The following RAB38 variants were observed in gnomAD, a reference collection of about 807,000 sequenced individuals.
The protein encoded by RAB38 is RAB38, member RAS oncogene family.
RAB38 carries 15 observed loss-of-function variants against 18.4 expected under a neutral mutation model. The observed-to-expected ratio is 0.82, with a 90% CI of 0.55 to 1.26. The LOEUF (loss-of-function observed/expected upper bound fraction) is 1.26, where lower values mean the gene tolerates loss of function less well. Ranked by LOEUF, RAB38 falls within the 50% of genes most tolerant of loss-of-function variation. The pLI is 0.00. For synonymous variants in RAB38, 101 were observed against 104.4 expected, an observed-to-expected ratio of 0.97 and a Z score of 0.20; for missense variants, 294 against 267.4, an observed-to-expected ratio of 1.10 and a Z score of -0.69.
intron 1 of RAB38, chr11:88,165,611 G>T (rs1943236190): frequency 6.6e-6 from 1 of 152,194 alleles, no homozygotes; most frequent in Admixed American, 6.5e-5. Flanking sequence ...AAATAAAAGT[G>T]ATAAGGAACA....
At chr11:87,951,416 G>A in the RAB38 span, among the ~76,000 whole-genome samples, 8 of 152,178 alleles carry the variant, frequency 5.3e-5, no homozygotes, top group Admixed American at 3.3e-4. Flanking sequence ...TCTCCATCCA[G>A]CTTTGTTCTG....
intron 2 of RAB38, among the ~76,000 whole-genome samples, chr11:88,129,711 T>C (rs1384106472): frequency 6.6e-6 from 1 of 152,166 alleles, no homozygotes. Flanking sequence ...AGACTGACAT[T>C]TTAAGGACAA....
downstream of RAB38, among the ~76,000 whole-genome samples, chr11:88,110,311 G>C (rs1402357070): frequency 6.6e-6 from 1 of 152,006 alleles, no homozygotes; most frequent in African/African-American, 2.4e-5. Flanking sequence ...TCATAAGTGG[G>C]AGTTGAACAA....
the RAB38 span, among the ~76,000 whole-genome samples, chr11:87,899,642 T>C: frequency 6.6e-6 from 1 of 151,562 alleles, no homozygotes; most frequent in Non-Finnish European, 1.5e-5. Flanking sequence ...GTCCTAAAGA[T>C]AGAAATATGA....
chr11:87,851,276 G>T, the RAB38 span, among the ~76,000 whole-genome samples: 2 of 152,120 alleles, frequency 1.3e-5, no homozygotes, highest in Admixed American at 6.6e-5. Context: ...AAAAACAGAA[G>T]CTGTGTCTGG....
At chr11:88,066,598 C>T in the RAB38 span, among the ~76,000 whole-genome samples, 1 of 152,002 alleles carries the variant, frequency 6.6e-6, no homozygotes, top group African/African-American at 2.4e-5. Flanking sequence ...GGCAGTGGAG[C>T]CTAGTGGTTA....
At chr11:87,931,935 A>T in the RAB38 span, among the ~76,000 whole-genome samples, 2,421 of 148,864 alleles carry the variant, frequency 0.016, 42 homozygotes, top group South Asian at 0.061. Flanking sequence ...GACAATGCAC[A>T]GGAGGGGTGG....
the RAB38 span, among the ~76,000 whole-genome samples, chr11:88,077,370 G>T: frequency 6.6e-6 from 1 of 151,830 alleles, no homozygotes; most frequent in African/African-American, 2.4e-5. Context: ...AAACAACAAA[G>T]CTGGAGGAAT....
the RAB38 span, among the ~76,000 whole-genome samples, chr11:87,874,000 CTG>C: frequency 2.0e-5 from 3 of 147,260 alleles, no homozygotes; most frequent in African/African-American, 7.5e-5. Flanking sequence ...ATATCTCAAT[CTG>C]TGGTTTCCCT....
At chr11:88,096,856 C>A in the RAB38 span, among the ~76,000 whole-genome samples, 1 of 151,360 alleles carries the variant, frequency 6.6e-6, no homozygotes, top group Admixed American at 6.6e-5. Flanking sequence ...AAACTTATGT[C>A]AAAATGTCAA....
At chr11:87,948,073 A>G in the RAB38 span, among the ~76,000 whole-genome samples, 11 of 152,058 alleles carry the variant, frequency 7.2e-5, no homozygotes, top group Non-Finnish European at 1.3e-4. Flanking sequence ...TATTTCATTG[A>G]GCAGTGGTTT....
the RAB38 span, among the ~76,000 whole-genome samples, chr11:88,085,732 C>T: frequency 6.6e-6 from 1 of 151,886 alleles, no homozygotes; most frequent in Non-Finnish European, 1.5e-5. Flanking sequence ...GATGTGTTGT[C>T]CATGGTTGCC....
chr11:87,878,583 A>G, the RAB38 span, among the ~76,000 whole-genome samples: 20 of 151,660 alleles, frequency 1.3e-4, no homozygotes, highest in Non-Finnish European at 2.1e-4. Flanking sequence ...GGATGTTTTT[A>G]TCAAAGCTAC....
At chr11:88,159,541 A>G (rs902119669) in intron 1 of RAB38, among the ~76,000 whole-genome samples, 1 of 152,110 alleles carries the variant, frequency 6.6e-6, no homozygotes, top group African/African-American at 2.4e-5. Flanking sequence ...TACTAAGCAA[A>G]AAGAACAAAA....
chr11:88,034,258 T>A, the RAB38 span, among the ~76,000 whole-genome samples: 7 of 152,248 alleles, frequency 4.6e-5, no homozygotes. Context: ...CATTTGCCCA[T>A]TGACAATTTG....
chr11:88,108,980 C>T (rs1405802856), downstream of RAB38, among the ~76,000 whole-genome samples: 1 of 152,162 alleles, frequency 6.6e-6, no homozygotes, highest in Admixed American at 6.5e-5. Context: ...TCTCTTCTGG[C>T]TTGTAGGGTT....
chr11:87,812,662 T>A, the RAB38 span, among the ~76,000 whole-genome samples: 1 of 152,128 alleles, frequency 6.6e-6, no homozygotes, highest in African/African-American at 2.4e-5. Context: ...CTTGCAGAGG[T>A]CCCACACTGC....
chr11:88,125,209 C>A (rs945547465), intron 2 of RAB38, among the ~76,000 whole-genome samples: 5 of 152,154 alleles, frequency 3.3e-5, no homozygotes, highest in Non-Finnish European at 5.9e-5. Flanking sequence ...GCTCACATTG[C>A]GTACTCAGAA....
At chr11:87,971,672 C>A in the RAB38 span, among the ~76,000 whole-genome samples, 1 of 152,080 alleles carries the variant, frequency 6.6e-6, no homozygotes, top group South Asian at 2.1e-4. Context: ...GATGCTGATG[C>A]TAGACAGAGG....
Sources: allele counts gnomAD v4.1 joint callset (sites outside exome capture counted in the v4.1 genomes callset), GRCh38; gene constraint gnomAD v4.1.1; transcripts MANE v1.5; gene names NCBI Gene and HGNC (gene_info 2026-07-23, HGNC 2026-07-21).